Variants in ANKRD11 observed in about 807,000 individuals in gnomAD.
ANKRD11 encodes ankyrin repeat domain 11.
Under a neutral mutation model 195.7 loss-of-function variants are expected in ANKRD11, and 17 were observed. The observed-to-expected ratio is 0.09, with a 90% confidence interval of 0.06 to 0.13. The LOEUF is 0.13. Ranked by LOEUF, ANKRD11 falls within the 10% of genes least tolerant of loss-of-function variation. The pLI, the probability that ANKRD11 is intolerant of heterozygous loss-of-function variation, is 1.00. For missense variants in ANKRD11, 3,735 were observed against 3,566.1 expected, an observed-to-expected ratio of 1.05 and a Z score of -1.21; for synonymous variants, 1,953 against 1,528.1, an observed-to-expected ratio of 1.28 and a Z score of -6.49.
intron 6 of ANKRD11, 133 bp from the exon 7 acceptor site, chr16:89,288,803 C>T: frequency 1.6e-6 from 2 of 1,272,682 alleles, no homozygotes. Flanking sequence ...GTGAGGGCTG[C>T]AGTTTAGGGA....
chr16:89,417,515 C>T (rs753536249), intron 2 of ANKRD11, among the ~76,000 whole-genome samples: 14 of 152,094 alleles, frequency 9.2e-5, no homozygotes, highest in Admixed American at 2.0e-4. Context: ...AGACTGCTGC[C>T]GCTCCTCTCA....
At chr16:89,357,099 T>C (rs536251812) in intron 2 of ANKRD11, among the ~76,000 whole-genome samples, 26 of 152,268 alleles carry the variant, frequency 1.7e-4, no homozygotes, top group Non-Finnish European at 2.8e-4. Flanking sequence ...GGGATGAGGA[T>C]GAGTCTGTAG....
intron 1 of ANKRD11, among the ~76,000 whole-genome samples, chr16:89,423,722 G>C (rs1014492587): frequency 2.0e-5 from 3 of 152,188 alleles, no homozygotes; most frequent in Non-Finnish European, 4.4e-5. Context: ...CCAGAAACTG[G>C]AATCAGCCCA....
chr16:89,279,176 A>T lies in ANKRD11; in HGVS notation c.7366T>A (p.Cys2456Ser). ...TGGGGCGCCTGCGGCGTGATACAGC[A>T]CAGGATCTTGCGCTTCTCCTCGATC... ...KKIEEKRKIL[C>S]CITPQAPQCY... Residue 2456 changes from cysteine to serine, a missense_variant, in exon 9 of 13, where the codon TGC becomes AGC. Transcript: ENST00000301030. This position sits in a 1 kb window ranked among gnomAD's most constrained non-coding sequence, Gnocchi z 5.6. 1 of 1,612,934 alleles carries T rather than the reference A, an allele frequency of 6.2e-7. No homozygotes were observed. Among genetic ancestry groups the T allele is most frequent in the Non-Finnish European group, 8.5e-7 (1 of 1,179,922 alleles).
At chr16:89,380,296 G>T (rs931204079) in intron 2 of ANKRD11, among the ~76,000 whole-genome samples, 1 of 152,144 alleles carries the variant, frequency 6.6e-6, no homozygotes, top group Non-Finnish European at 1.5e-5. Flanking sequence ...ATTTTTAGTA[G>T]AGATGGGGTT....
chr16:89,289,409 C>A (rs2034877775), intron 6 of ANKRD11, among the ~76,000 whole-genome samples: 1 of 152,202 alleles, frequency 6.6e-6, no homozygotes, highest in African/African-American at 2.4e-5. Context: ...TGTGGACAGA[C>A]AGTCCTGGGA....
intron 11 of ANKRD11, chr16:89,272,518 A>G (rs918317626): frequency 6.6e-6 from 1 of 152,208 alleles, no homozygotes; most frequent in African/African-American, 2.4e-5. Flanking sequence ...CCTTGCCAAC[A>G]TGGTGAAACC....
rs1664784482 is a variant in ANKRD11 at position 89,282,914 on chromosome 16, CCTT to C, written c.3625_3627del (p.Lys1209del). The C allele has an allele frequency of 2.5e-6, 4 of 1,612,998 alleles. No individual in the cohort carries two copies. The highest frequency in any genetic ancestry group is 3.4e-6 in the Non-Finnish European group (4 of 1,179,926). ...TTGTACTTTTCTGTGGACTCTTTATCCTTCTTCTCCTTGTGCTTTTCAAAGACT... is the reference window on the plus strand; with the variant it reads ...TTGTACTTTTCTGTGGACTCTTTATCCTTCTCCTTGTGCTTTTCAAAGACT... On this transcript the variant is annotated inframe_deletion, in exon 9 of 13. Coordinates refer to ENST00000301030, the MANE Select transcript of ANKRD11 (RefSeq NM_013275.6).
intron 1 of ANKRD11, among the ~76,000 whole-genome samples, chr16:89,458,573 T>G (rs966543418): frequency 6.6e-6 from 1 of 152,240 alleles, no homozygotes; most frequent in African/African-American, 2.4e-5. Flanking sequence ...GAAAATACTT[T>G]GCCACGCTTT....
chr16:89,271,166 C>T (rs1163930648), intron 11 of ANKRD11: 2 of 535,268 alleles, frequency 3.7e-6, no homozygotes, highest in Non-Finnish European at 6.8e-6. Flanking sequence ...CAGGCCCCAC[C>T]TGTGAGCCGG....
intron 9 of ANKRD11, among the ~76,000 whole-genome samples, chr16:89,276,602 G>T (rs1435010204): frequency 6.6e-6 from 1 of 152,216 alleles, no homozygotes; most frequent in Non-Finnish European, 1.5e-5. Flanking sequence ...TCCCAGCCAG[G>T]AGACAGGGCA....
rs534482245 is a variant in ANKRD11, at chr16:89,439,908, C to T, written c.-144-21540G>A. Among the ~76,000 whole-genome samples the T allele has an allele frequency of 5.3e-5, 8 of 152,324 alleles. No individual in the cohort carries two copies. In the South Asian group the frequency reaches 8.3e-4, roughly 16 times the overall value. ...ACTGATGGGCGGCCTCCGGAGAAGT[C>T]AAAGACTCCAGCTCTACTGCACACA... On this transcript the variant is annotated intron_variant, in intron 1 of 12. Transcript: ENST00000301030.
intron 2 of ANKRD11, among the ~76,000 whole-genome samples, chr16:89,336,935 C>T (rs1044245206): frequency 6.9e-6 from 1 of 144,594 alleles, no homozygotes. Context: ...TTTAGGAGGC[C>T]GAGACAGGTG....
intron 1 of ANKRD11, among the ~76,000 whole-genome samples, chr16:89,462,637 C>A (rs531815102): frequency 2.0e-5 from 3 of 151,952 alleles, no homozygotes; most frequent in South Asian, 4.2e-4. Context: ...CACCTCTTCC[C>A]GGCCGCCATC....
At chr16:89,381,446 T>C (rs1254932508) in intron 2 of ANKRD11, among the ~76,000 whole-genome samples, 2 of 151,440 alleles carry the variant, frequency 1.3e-5, no homozygotes, top group Non-Finnish European at 2.9e-5. Context: ...AGGGTTATTG[T>C]ATAAGGAGCA....
In ANKRD11 at chr16:89,407,264, G is replaced by C. The variant is rs184840392; in HGVS notation, c.-60+11020C>G. On this transcript the variant is annotated intron_variant, in intron 2 of 12. Transcript: ENST00000301030. ...ACACGAGGAACATCAGCAAAGGACT[G>C]ACAGAAAAAGACTCATATTTTTATA... is the stretch of plus-strand genomic sequence containing the variant. 2.0e-5 allele frequency among the ~76,000 whole-genome samples: 3 copies of C among 151,716 alleles called. No homozygotes were observed. In the East Asian group the frequency reaches 5.8e-4, roughly 29 times the overall value.
intron 1 of ANKRD11, among the ~76,000 whole-genome samples, chr16:89,436,974 G>C (rs553954098): frequency 6.6e-6 from 1 of 152,296 alleles, no homozygotes; most frequent in African/African-American, 2.4e-5. Context: ...ACTCAAAGTA[G>C]TTTCCTTTAA....
chr16:89,455,304 C>G (rs1485781156), intron 1 of ANKRD11, among the ~76,000 whole-genome samples: 3 of 151,640 alleles, frequency 2.0e-5, no homozygotes, highest in Non-Finnish European at 4.4e-5. Context: ...AGCTGCTTCC[C>G]TGGGTGCTTC....
chr16:89,328,225 TG>T (rs2037837907), intron 2 of ANKRD11, among the ~76,000 whole-genome samples: 2 of 152,202 alleles, frequency 1.3e-5, no homozygotes. Context: ...GTAGAAAAGC[TG>T]GAACTCTCTC....
Sources: gnomAD v4.1 joint callset for allele counts (sites outside exome capture counted in the v4.1 genomes callset) on GRCh38, gnomAD v4.1.1 for gene constraint, Gnocchi (gnomAD v3.1) non-coding constraint, MANE v1.5 for transcripts, NCBI Gene and HGNC (gene_info 2026-07-23, HGNC 2026-07-21) for gene names.